OSBPL10: variants seen among roughly 807,000 people sequenced by gnomAD.
The protein encoded by OSBPL10 is oxysterol binding protein like 10.
OSBPL10 carries 49 observed loss-of-function variants against 81.7 expected under a neutral mutation model. The observed-to-expected ratio is 0.60, with a 90% CI of 0.48 to 0.76. OSBPL10 has a LOEUF of 0.76. OSBPL10 is among the 30% of genes least tolerant of loss of function. The pLI is 0.00. For synonymous variants in OSBPL10, 419 were observed against 383.6 expected (o/e 1.09, Z -1.08); for missense variants, 923 against 987.8 (o/e 0.93, Z 0.88).
In OSBPL10 at chr3:31,987,307, C is replaced by G. The variant is rs184868029; in HGVS notation, n.298+59184G>C. Among the ~76,000 whole-genome samples, 7 of 152,324 alleles carry G rather than the reference C, an allele frequency of 4.6e-5. No homozygotes were observed. In the East Asian group the frequency reaches 1.3e-3, roughly 29 times the overall value. Reference sequence around the variant, plus strand: ...TTTAGAGCTATATTATCCTTTGTAACAGTTTCAGAGTATTCCACTGTCTAT... The same window carrying G: ...TTTAGAGCTATATTATCCTTTGTAAGAGTTTCAGAGTATTCCACTGTCTAT... On this transcript the variant is annotated intron_variant and non_coding_transcript_variant, in intron 2 of 3. Transcript: ENST00000479173.
intron 4 of OSBPL10, among the ~76,000 whole-genome samples, chr3:31,811,159 T>A (rs1317441795): frequency 7.5e-6 from 1 of 132,570 alleles, no homozygotes; most frequent in Non-Finnish European, 1.6e-5. Context: ...AGCCTGTGGA[T>A]GGCAGTGCAG....
intron 1 of OSBPL10, among the ~76,000 whole-genome samples, chr3:32,052,729 CACTT>C (rs1294959061): frequency 6.6e-6 from 1 of 151,982 alleles, no homozygotes; most frequent in Non-Finnish European, 1.5e-5. Flanking sequence ...TGCATGTTCT[CACTT>C]ACAAGTGGGA....
At chr3:31,979,057 G>A (rs1407659146) in intron 1 of OSBPL10, among the ~76,000 whole-genome samples, 1 of 152,148 alleles carries the variant, frequency 6.6e-6, no homozygotes, top group African/African-American at 2.4e-5. Flanking sequence ...TGAAGAAAAA[G>A]CATTAAGTGA....
intron 1 of OSBPL10, among the ~76,000 whole-genome samples, chr3:31,941,076 G>C (rs562327487): frequency 1.3e-5 from 2 of 152,158 alleles, no homozygotes; most frequent in Non-Finnish European, 2.9e-5. Context: ...ACGTTTGTCC[G>C]ACAGGTGAAT....
intron 1 of OSBPL10, among the ~76,000 whole-genome samples, chr3:31,942,798 C>G (rs1255872769): frequency 2.0e-5 from 3 of 152,118 alleles, no homozygotes; most frequent in Admixed American, 2.0e-4. Flanking sequence ...ACACAATTAG[C>G]TAACACAGTT....
Position 31,668,816 on chromosome 3 carries a change from G to A in OSBPL10, c.1922C>T (p.Ala641Val). 1 of 1,607,408 alleles carries A rather than the reference G, an allele frequency of 6.2e-7. No individual in the cohort carries two copies. The highest frequency in any genetic ancestry group is 1.1e-5 in the South Asian group (1 of 89,966). Residue 641 changes from alanine to valine, a missense_variant, in exon 10 of 12, where the codon GCA (alanine) becomes GTA (valine). Around this residue, in one of 3 missense-constraint regions of OSBPL10, gnomAD observed 387 missense variants for 436.3 expected, o/e 0.89. Coordinates refer to ENST00000396556, the MANE Select transcript of OSBPL10 (RefSeq NM_017784.5). ...GTTGGTTGGGTTGTGCTTCACTTCTGCGGTAACCCTGAATTAATGAGTCAA... is the reference window on the plus strand; with the variant it reads ...GTTGGTTGGGTTGTGCTTCACTTCTACGGTAACCCTGAATTAATGAGTCAA... Reference protein sequence around the residue: ...FYGGKVHRVTAEVKHNPTNTI... With the variant: ...FYGGKVHRVTVEVKHNPTNTI...
At chr3:31,739,106 A>G (rs1205259529) in intron 5 of OSBPL10, among the ~76,000 whole-genome samples, 3 of 152,018 alleles carry the variant, frequency 2.0e-5, no homozygotes, top group Non-Finnish European at 4.4e-5. Flanking sequence ...AGGCTGGAGT[A>G]TAGTGCTATT....
At chr3:32,044,705 C>T (rs1304289204) in intron 2 of OSBPL10, among the ~76,000 whole-genome samples, 2 of 129,906 alleles carry the variant, frequency 1.5e-5, no homozygotes, top group Admixed American at 9.0e-5. Flanking sequence ...TGCATCATTG[C>T]ACTCCAGCCT....
At chr3:31,725,115 C>T (rs1241864801) in intron 6 of OSBPL10, among the ~76,000 whole-genome samples, 2 of 152,174 alleles carry the variant, frequency 1.3e-5, no homozygotes, top group Non-Finnish European at 2.9e-5. Flanking sequence ...ATGTACAGAG[C>T]TAATAAACTG....
intron 1 of OSBPL10, among the ~76,000 whole-genome samples, chr3:32,068,974 A>G (rs1291101404): frequency 1.3e-5 from 2 of 151,556 alleles, no homozygotes; most frequent in Non-Finnish European, 2.9e-5. Context: ...TAACCCTTCT[A>G]TTACCTCCCC....
chr3:31,827,501 T>A (rs1198556026), intron 4 of OSBPL10, among the ~76,000 whole-genome samples: 3 of 151,942 alleles, frequency 2.0e-5, no homozygotes, highest in Non-Finnish European at 2.9e-5. Context: ...CCAGGCGTGG[T>A]GGTGGATGCC....
chr3:31,972,021 A>C (rs1313550228), intron 1 of OSBPL10, among the ~76,000 whole-genome samples: 1 of 152,202 alleles, frequency 6.6e-6, no homozygotes, highest in Non-Finnish European at 1.5e-5. Flanking sequence ...TAAAAATTCC[A>C]CCAGGCATAA....
chr3:31,672,496 A>G (rs1700350348), intron 8 of OSBPL10, among the ~76,000 whole-genome samples: 1 of 151,858 alleles, frequency 6.6e-6, no homozygotes, highest in South Asian at 2.1e-4. Context: ...TGAGCTTGCC[A>G]GGGGAGTCTG....
At chr3:31,773,000 CTTTT>C (rs60001546) in intron 4 of OSBPL10, among the ~76,000 whole-genome samples, 1 of 138,082 alleles carries the variant, frequency 7.2e-6, no homozygotes, top group Non-Finnish European at 1.6e-5. Flanking sequence ...CGTGACCAAA[CTTTT>C]TTTTTTTTTT....
intron 3 of OSBPL10, among the ~76,000 whole-genome samples, chr3:31,875,572 A>C: frequency 6.7e-6 from 1 of 148,324 alleles, no homozygotes. Flanking sequence ...AAAAAAAAAA[A>C]GCATTATGAA....
intron 3 of OSBPL10, among the ~76,000 whole-genome samples, chr3:31,857,584 T>C (rs1700943762): frequency 6.6e-6 from 1 of 151,480 alleles, no homozygotes. Context: ...TTTTTAATAA[T>C]TCAAATTTTA....
At chr3:32,009,614 T>C (rs1045822542) in intron 2 of OSBPL10, among the ~76,000 whole-genome samples, 1 of 152,154 alleles carries the variant, frequency 6.6e-6, no homozygotes, top group Non-Finnish European at 1.5e-5. Flanking sequence ...AGGATGATAT[T>C]ATATATAAAA....
chr3:31,817,564 C>CCGCACA (rs1228622767), intron 4 of OSBPL10, among the ~76,000 whole-genome samples: 3 of 152,044 alleles, frequency 2.0e-5, no homozygotes, highest in Non-Finnish European at 4.4e-5. Flanking sequence ...GCACCCACAC[C>CCGCACA]CACACCCAGC....
At chr3:31,868,413 G>C (rs1046225486) in intron 3 of OSBPL10, among the ~76,000 whole-genome samples, 10 of 152,000 alleles carry the variant, frequency 6.6e-5, no homozygotes, top group Non-Finnish European at 1.5e-4. Context: ...GAGCTCCATC[G>C]GGTTTTGAAG....
Sources: gnomAD v4.1 joint callset for allele counts (sites outside exome capture counted in the v4.1 genomes callset) on GRCh38, gnomAD v4.1.1 for gene constraint, gnomAD v4.1.1 regional missense constraint, MANE v1.5 for transcripts, NCBI Gene and HGNC (gene_info 2026-07-23, HGNC 2026-07-21) for gene names.